Variants in SAMMSON observed in about 807,000 individuals in gnomAD.
SAMMSON encodes the protein long intergenic non-protein coding RNA 1212.
chr3:70,135,996 A>G (rs1200427395), intron 4 of SAMMSON, among the ~76,000 whole-genome samples: 1 of 151,844 alleles, frequency 6.6e-6, no homozygotes, highest in Non-Finnish European at 1.5e-5. Context: ...TGTAGTTTAA[A>G]TATACTTTCA....
intron 3 of SAMMSON, among the ~76,000 whole-genome samples, chr3:70,021,740 T>C (rs1266548190): frequency 6.6e-6 from 1 of 152,118 alleles, no homozygotes; most frequent in Non-Finnish European, 1.5e-5. Flanking sequence ...GCCACCAGAG[T>C]AATTGGACTG....
chr3:70,131,429 A>T (rs898130306), intron 4 of SAMMSON, among the ~76,000 whole-genome samples: 1 of 152,134 alleles, frequency 6.6e-6, no homozygotes, highest in Non-Finnish European at 1.5e-5. Flanking sequence ...GAAAATTCTT[A>T]TTTACTAGAC....
intron 3 of SAMMSON, among the ~76,000 whole-genome samples, chr3:70,033,789 G>A (rs1323889088): frequency 1.3e-5 from 2 of 152,142 alleles, no homozygotes; most frequent in African/African-American, 4.8e-5. Context: ...CATGGGGGCC[G>A]AAGGAAAGGG....
At chr3:70,132,473 A>C (rs2067486403) in intron 4 of SAMMSON, among the ~76,000 whole-genome samples, 1 of 152,012 alleles carries the variant, frequency 6.6e-6, no homozygotes, top group South Asian at 2.1e-4. Flanking sequence ...TCCTCCTATA[A>C]TCTGTGGGAT....
Position 70,194,787 on chromosome 3 carries a change from A to G in SAMMSON, n.508-54320A>G, listed in dbSNP as rs141040254. On this transcript the variant is annotated intron_variant and non_coding_transcript_variant, in intron 4 of 9. Coordinates refer to ENST00000642114, the Ensembl canonical transcript of SAMMSON. ...AATGATAATTGAAATATTTAACACC[A>G]ATATGGCATGGCCTCACCAATGATA... 3.7e-3 allele frequency among the ~76,000 whole-genome samples: 556 copies of G among 152,302 alleles called. 1 individual carries two copies. Among genetic ancestry groups the G allele is most frequent in the African/African-American group, 0.012 (500 of 41,562 alleles).
At chr3:70,202,580 A>G (rs1701250655) in intron 4 of SAMMSON, among the ~76,000 whole-genome samples, 1 of 152,152 alleles carries the variant, frequency 6.6e-6, no homozygotes, top group Admixed American at 6.5e-5. Flanking sequence ...TGAAGTGCCC[A>G]CCTGGCTTTC....
intron 2 of SAMMSON, among the ~76,000 whole-genome samples, chr3:70,404,500 G>A (rs955155986): frequency 2.0e-5 from 3 of 152,052 alleles, no homozygotes; most frequent in African/African-American, 7.2e-5. Flanking sequence ...ATCTTCTTGG[G>A]ATTCAAGCAT....
intron 4 of SAMMSON, among the ~76,000 whole-genome samples, chr3:70,074,357 A>G (rs914200227): frequency 1.3e-5 from 2 of 152,120 alleles, no homozygotes; most frequent in Non-Finnish European, 2.9e-5. Context: ...GGAGATAGGG[A>G]AATTTATTAA....
chr3:70,036,133 A>T (rs1029257092), intron 3 of SAMMSON, among the ~76,000 whole-genome samples: 1 of 152,126 alleles, frequency 6.6e-6, no homozygotes, highest in Non-Finnish European at 1.5e-5. Flanking sequence ...AATATATAAA[A>T]CCCTAAAAGG....
At chr3:70,034,281 C>G (rs1166877116) in intron 3 of SAMMSON, among the ~76,000 whole-genome samples, 1 of 152,054 alleles carries the variant, frequency 6.6e-6, no homozygotes, top group Non-Finnish European at 1.5e-5. Context: ...TTGCTATTCT[C>G]TATGTATGTG....
chr3:70,033,986 A>G (rs142729071), intron 3 of SAMMSON, among the ~76,000 whole-genome samples: 1 of 152,270 alleles, frequency 6.6e-6, no homozygotes, highest in African/African-American at 2.4e-5. Context: ...GAGCTATCCC[A>G]GTAAGATTAA....
chr3:70,192,797 T>A (rs547944546), intron 4 of SAMMSON, among the ~76,000 whole-genome samples: 146 of 152,362 alleles, frequency 9.6e-4, no homozygotes, highest in African/African-American at 3.3e-3. Context: ...AAATTCAAAG[T>A]TGACTCGGCA....
At chr3:70,385,451 A>T (rs1703112681) in intron 9 of SAMMSON, among the ~76,000 whole-genome samples, 1 of 152,156 alleles carries the variant, frequency 6.6e-6, no homozygotes, top group South Asian at 2.1e-4. Flanking sequence ...GTGGAAACTT[A>T]TTCAAAGGTT....
chr3:70,260,984 G>A (rs1047825619), intron 6 of SAMMSON, among the ~76,000 whole-genome samples: 3 of 152,150 alleles, frequency 2.0e-5, no homozygotes, highest in African/African-American at 7.2e-5. Flanking sequence ...TGCAGAACTT[G>A]TGGGCCCCAG....
intron 4 of SAMMSON, among the ~76,000 whole-genome samples, chr3:70,106,811 G>A (rs1459378498): frequency 3.9e-5 from 6 of 152,140 alleles, no homozygotes; most frequent in Non-Finnish European, 8.8e-5. Flanking sequence ...ACATGTGTTG[G>A]TTAAGATAGC....
chr3:70,276,580 C>T (rs992550109), intron 6 of SAMMSON, among the ~76,000 whole-genome samples: 1 of 152,108 alleles, frequency 6.6e-6, no homozygotes, highest in African/African-American at 2.4e-5. Flanking sequence ...GTGTTAGACA[C>T]CTACCTGAGG....
intron 1 of SAMMSON, among the ~76,000 whole-genome samples, chr3:70,010,665 ATTAG>A (rs1443061094): frequency 1.3e-5 from 2 of 148,850 alleles, no homozygotes; most frequent in Non-Finnish European, 3.0e-5. Flanking sequence ...GTGCCATTGT[ATTAG>A]TTAGTTCTTT....
At chr3:70,141,108 C>T (rs975724660) in intron 4 of SAMMSON, among the ~76,000 whole-genome samples, 63 of 152,256 alleles carry the variant, frequency 4.1e-4, no homozygotes, top group African/African-American at 1.4e-3. Context: ...GCTGCTTCCA[C>T]ATTTCTAGGC....
intron 3 of SAMMSON, among the ~76,000 whole-genome samples, chr3:70,045,463 G>A (rs2067123089): frequency 6.6e-6 from 1 of 151,388 alleles, no homozygotes; most frequent in Non-Finnish European, 1.5e-5. Context: ...TCATTCAGTA[G>A]CACACACCTG....
Sources: gnomAD v4.1 joint callset for allele counts (sites outside exome capture counted in the v4.1 genomes callset) on GRCh38, gnomAD v4.1.1 for gene constraint, MANE v1.5 for transcripts, NCBI Gene and HGNC (gene_info 2026-07-23, HGNC 2026-07-21) for gene names.